Variants in HMCN1 observed in about 807,000 individuals in gnomAD.
HMCN1 encodes the protein hemicentin 1.
A neutral mutation model predicts 625.9 loss-of-function variants in HMCN1; 321 were observed. That is an observed-to-expected ratio of 0.51 (90% CI 0.47 to 0.56). The LOEUF (loss-of-function observed/expected upper bound fraction) is 0.56, where lower values mean the gene tolerates loss of function less well. Ranked by LOEUF, HMCN1 falls within the 20% of genes least tolerant of loss-of-function variation. HMCN1 has a pLI of 0.00. For missense variants in HMCN1, 6,588 were observed against 6,887.3 expected, an observed-to-expected ratio of 0.96 and a Z score of 1.54; for synonymous variants, 2,425 against 2,417.6, an observed-to-expected ratio of 1.00 and a Z score of -0.09.
rs570299133 is a variant in HMCN1, at chr1:185,962,184, C to T, written c.1829-334C>T. Among the ~76,000 whole-genome samples, 3 of 152,262 alleles carry T rather than the reference C, an allele frequency of 2.0e-5. No individual in the cohort carries two copies. In the South Asian group the frequency reaches 6.2e-4, roughly 32 times the overall value. ...AAGAGCCAAAAACTCTATTTAGAGA[C>T]TTTGCCTGGGAACAGGTTTATAGGG... On this transcript the variant is annotated intron_variant, in intron 11 of 106. Coordinates refer to ENST00000271588, the MANE Select transcript of HMCN1 (RefSeq NM_031935.3).
intron 4 of HMCN1, among the ~76,000 whole-genome samples, chr1:185,903,503 G>A (rs1471228134): frequency 1.3e-5 from 2 of 151,286 alleles, no homozygotes; most frequent in African/African-American, 2.4e-5. Context: ...CCTACCTTTA[G>A]CATGAGCATT....
chr1:186,123,572 A>G (rs1273445811), intron 81 of HMCN1, among the ~76,000 whole-genome samples: 1 of 152,160 alleles, frequency 6.6e-6, no homozygotes, highest in Non-Finnish European at 1.5e-5. Context: ...CTTGGTTCAA[A>G]TGAATCATCA....
intron 15 of HMCN1, 111 bp from the exon 16 acceptor site, chr1:185,977,676 A>C (rs1270972250): frequency 1.3e-6 from 1 of 778,034 alleles, no homozygotes; most frequent in Non-Finnish European, 2.3e-6. Context: ...TTACAATATA[A>C]TATGAACAAT....
At position 186,069,688 on chromosome 1, in the gene HMCN1, T is replaced by A. The variant is rs772110732; in HGVS notation, c.7905T>A (p.Asn2635Lys). 7 of 1,612,708 alleles carry A rather than the reference T, an allele frequency of 4.3e-6. No homozygotes were observed. The South Asian group carries it at 6.6e-5, about 15-fold the overall frequency. ...GAGGCAGAACTCTGCAGATCCTCAA[T>A]GCACAGGAGGACAATGCTGGAAGAT... Reference protein sequence around the residue: ...LPGGRTLQILNAQEDNAGRYS... With the variant: ...LPGGRTLQILKAQEDNAGRYS... The change falls in exon 51 of 107, where the codon AAT becomes AAA. Residue 2635 changes from asparagine (N) to lysine (K), a missense_variant. This residue lies in a region of HMCN1 where 4,628 missense variants were observed against 4,853.1 expected (regional missense o/e 0.95). Transcript: ENST00000271588.
chr1:186,023,782 C>G lies in HMCN1; in HGVS notation c.5749+629C>G, dbSNP rs368311430. Among the ~76,000 whole-genome samples the G allele has an allele frequency of 2.2e-4, 34 of 152,306 alleles. No individual in the cohort carries two copies. The East Asian group carries it at 6.2e-3, about 28-fold the overall frequency. ...TTCATGTACACGTTATTCATTTTCTCTAATTCACATGATTTCTTCTTCAGC... is the reference window on the plus strand; with the variant it reads ...TTCATGTACACGTTATTCATTTTCTGTAATTCACATGATTTCTTCTTCAGC... On this transcript the variant is annotated intron_variant, in intron 36 of 106. Transcript: ENST00000271588.
chr1:186,088,109 TG>T, intron 61 of HMCN1, 35 bp from the exon 62 acceptor site: 9 of 1,603,158 alleles, frequency 5.6e-6, no homozygotes, highest in South Asian at 1.1e-5. Context: ...GATTTTCTTC[TG>T]TTTTTTTGTT....
At chr1:185,737,211 G>A (rs555520793) in intron 1 of HMCN1, among the ~76,000 whole-genome samples, 1 of 151,758 alleles carries the variant, frequency 6.6e-6, no homozygotes, top group African/African-American at 2.4e-5. Context: ...CTGGAGTGCA[G>A]TAGCACTATC....
At chr1:186,153,683 A>T (rs2102580970) in intron 96 of HMCN1, 67 bp from the exon 97 acceptor site, 1 of 1,257,188 alleles carries the variant, frequency 8.0e-7, no homozygotes, top group Non-Finnish European at 1.2e-6. Flanking sequence ...TGCATTTCAT[A>T]GTCCCCTTAA....
In HMCN1 at chr1:185,965,662, T is replaced by A. The variant is rs956340312; in HGVS notation, c.2099-140T>A. On this transcript the variant is annotated intron_variant, in intron 13 of 106. Coordinates refer to ENST00000271588, the MANE Select transcript of HMCN1 (RefSeq NM_031935.3). ...CACATACACCTATGTGCATGTGCAT[T>A]ACAAGAGTTTCTTTCGGTTTATAAA... 40 of 700,972 alleles carry A rather than the reference T, an allele frequency of 5.7e-5. No individual in the cohort carries two copies. In the Admixed American group the frequency reaches 8.2e-4, roughly 14 times the overall value. 43.4% of individuals were successfully genotyped at this position (700,972 alleles called of 1,614,324 possible).
intron 1 of HMCN1, among the ~76,000 whole-genome samples, chr1:185,831,907 A>G (rs1240225229): frequency 1.3e-5 from 2 of 152,238 alleles, no homozygotes; most frequent in African/African-American, 4.8e-5. Context: ...GAAAGCCTCA[A>G]CATCTTGTCA....
At chr1:185,748,368 A>G (rs1262543705) in intron 1 of HMCN1, among the ~76,000 whole-genome samples, 1 of 152,128 alleles carries the variant, frequency 6.6e-6, no homozygotes, top group East Asian at 1.9e-4. Context: ...CCTATGTTGG[A>G]ATGTCCCCTA....
In HMCN1 at chr1:186,171,335, A is replaced by G; in HGVS notation, c.15575-2A>G. On this transcript the variant is annotated splice_acceptor_variant, in intron 100 of 106. Transcript: ENST00000271588. LOFTEE classifies it high-confidence loss of function. ...TAATGAAAGTTTTGTTTTATTTAAC[A>G]GATATTAATGAATGTCAAGAATCCA... 6.2e-7 allele frequency: 1 copy of G among 1,606,892 alleles called. No homozygotes were observed. The highest frequency in any genetic ancestry group is 8.5e-7 in the Non-Finnish European group (1 of 1,173,578).
At chr1:185,938,849 G>A (rs1175044232) in intron 11 of HMCN1, among the ~76,000 whole-genome samples, 1 of 152,002 alleles carries the variant, frequency 6.6e-6, no homozygotes, top group Non-Finnish European at 1.5e-5. Context: ...AAGTCAGCCA[G>A]CCTGGTTCCT....
chr1:186,138,922 C>T (rs1348491202), intron 89 of HMCN1, among the ~76,000 whole-genome samples: 1 of 152,170 alleles, frequency 6.6e-6, no homozygotes. Flanking sequence ...CAAATATTTA[C>T]TGAGCACTTA....
chr1:185,741,649 G>A (rs1654002228), intron 1 of HMCN1, among the ~76,000 whole-genome samples: 1 of 152,216 alleles, frequency 6.6e-6, no homozygotes, highest in South Asian at 2.1e-4. Flanking sequence ...ACTCAGGATA[G>A]GAGGAGAAGA....
At chr1:185,840,023 C>T (rs1052719309) in intron 1 of HMCN1, among the ~76,000 whole-genome samples, 5 of 152,082 alleles carry the variant, frequency 3.3e-5, no homozygotes, top group Non-Finnish European at 7.4e-5. Context: ...ATTACCTGTT[C>T]TAATATGAAT....
intron 19 of HMCN1, among the ~76,000 whole-genome samples, chr1:185,986,826 CAA>C (rs1239432106): frequency 3.2e-4 from 19 of 60,282 alleles, no homozygotes; most frequent in South Asian, 5.0e-4. Context: ...GACCCTGTCT[CAA>C]AAAAAAAAAA....
At chr1:186,140,927 G>A (rs1040258524) in intron 89 of HMCN1, among the ~76,000 whole-genome samples, 1 of 152,030 alleles carries the variant, frequency 6.6e-6, no homozygotes, top group African/African-American at 2.4e-5. Flanking sequence ...ATGGCTTCAG[G>A]ATGATTCAAG....
rs778585727 is a variant in HMCN1, at chr1:186,166,817, A to G, written c.15449A>G (p.Glu5150Gly). Residue 5150 changes from glutamate to glycine, a missense_variant, in exon 100 of 107, where the codon GAG (glutamate) becomes GGG (glycine). Glu to Gly is a moderately conservative substitution (Grantham distance 98, BLOSUM62 -2). Coordinates refer to ENST00000271588, the MANE Select transcript of HMCN1 (RefSeq NM_031935.3). The part of the protein sequence containing the change: ...ADGRTCQDID[E>G]CALGRHTCHA... ...ATTCCCTCTGTTGCAGATATTGATGAGTGTGCTTTGGGTAGGCATACCTGC... is the reference window on the plus strand; with the variant it reads ...ATTCCCTCTGTTGCAGATATTGATGGGTGTGCTTTGGGTAGGCATACCTGC... 3.1e-6 allele frequency: 5 copies of G among 1,614,024 alleles called. No homozygotes were observed. Among genetic ancestry groups the G allele is most frequent in the Non-Finnish European group, 8.5e-7 (1 of 1,179,976 alleles).
Sources: gnomAD v4.1 joint callset for allele counts (sites outside exome capture counted in the v4.1 genomes callset) on GRCh38, gnomAD v4.1.1 for gene constraint, gnomAD v4.1.1 regional missense constraint, MANE v1.5 for transcripts, NCBI Gene and HGNC (gene_info 2026-07-23, HGNC 2026-07-21) for gene names.